Variants in TMEM59 observed in about 807,000 individuals in gnomAD.
TMEM59 encodes the protein dendritic cell factor 1.
Under a neutral mutation model 42.2 loss-of-function variants are expected in TMEM59, and 44 were observed. The ratio of observed to expected loss-of-function variants is 1.04; its 90% confidence interval spans 0.82 to 1.34. The LOEUF (loss-of-function observed/expected upper bound fraction) is 1.34. Among genes scored for constraint, TMEM59 ranks in the 40% most tolerant of loss-of-function variants. The probability of loss-of-function intolerance (pLI) is 0.00; values close to 1 mark genes in which losing one functional copy is unlikely to be tolerated. For synonymous variants in TMEM59, 148 were observed against 145.8 expected, an observed-to-expected ratio of 1.02 and a Z score of -0.11; for missense variants, 359 against 382.8, an observed-to-expected ratio of 0.94 and a Z score of 0.52.
In TMEM59 at chr1:54,030,735, A is replaced by G. The variant is rs1656741360; in HGVS notation, c.*1415T>C. The stretch of plus-strand genomic sequence containing the variant: ...TCATCCAAATCTAGACAAACTAAAA[A>G]TAAAAACCTACACTTTGTGACCAAA... On this transcript the variant is annotated 3_prime_UTR_variant, in exon 8 of 8. Coordinates refer to ENST00000234831, the MANE Select transcript of TMEM59 (RefSeq NM_004872.5). The G allele has an allele frequency of 6.6e-6, 1 of 152,194 alleles. No homozygotes were observed. The highest frequency in any genetic ancestry group is 1.5e-5 in the Non-Finnish European group (1 of 68,032). 9.4% of individuals were successfully genotyped at this position (152,194 alleles called of 1,614,324 possible).
upstream of TMEM59, chr1:54,053,443 A>C (rs1657661631): frequency 2.0e-6 from 1 of 511,130 alleles, no homozygotes; most frequent in African/African-American, 1.9e-5. Flanking sequence ...GGGCCTCCTG[A>C]CTTCTTCCCT....
At chr1:54,052,149 A>C (rs1186315264) in intron 1 of TMEM59, among the ~76,000 whole-genome samples, 2 of 152,144 alleles carry the variant, frequency 1.3e-5, no homozygotes, top group African/African-American at 4.8e-5. Flanking sequence ...CAAATCATAC[A>C]TGGGAAAGGT....
chr1:54,045,304 G>T (rs1386292426), intron 3 of TMEM59, among the ~76,000 whole-genome samples: 2 of 152,150 alleles, frequency 1.3e-5, no homozygotes, highest in Non-Finnish European at 2.9e-5. Context: ...AAAACAGTTT[G>T]GAAGTTAATT....
chr1:54,049,705 A>G (rs1569970102), intron 1 of TMEM59, among the ~76,000 whole-genome samples: 1 of 152,220 alleles, frequency 6.6e-6, no homozygotes, highest in South Asian at 2.1e-4. Context: ...TAGGCCAGGC[A>G]CCGTGGCTCA....
rs1312570941 is a variant in TMEM59 at position 54,027,703 on chromosome 1, G to A, written c.*4447C>T. ...AGAATCGCTTGAACCTGGGAGCTGT[G>A]GAGGTTGCAGTGAGTCAAGATTGTA... On this transcript the variant is annotated 3_prime_UTR_variant, in exon 8 of 8. Transcript: ENST00000234831. The A allele has an allele frequency of 6.6e-6, 1 of 152,028 alleles. No individual in the cohort carries two copies. Among genetic ancestry groups the A allele is most frequent in the Non-Finnish European group, 1.5e-5 (1 of 68,028 alleles). The allele number at this position is 152,028 out of a possible 1,614,324, so 9.4% of individuals were successfully genotyped here. A position where few individuals can be genotyped will look rare whatever the true frequency, so the allele number is the denominator to read the frequency against.
At chr1:54,053,207 A>G (rs898899550), upstream of TMEM59, 6 of 1,612,562 alleles carry the variant, frequency 3.7e-6, no homozygotes, top group Admixed American at 8.4e-5. Flanking sequence ...CCTCTGTCAC[A>G]GCAGCTCAGC....
At chr1:54,041,839 T>C (rs987450752) in intron 4 of TMEM59, 34 bp from the exon 5 acceptor site, 2 of 1,558,904 alleles carry the variant, frequency 1.3e-6, no homozygotes, top group African/African-American at 2.7e-5. Flanking sequence ...AAGTCATTTG[T>C]ACTTCTTTAG....
Position 54,045,368 on chromosome 1 carries a change from A to G in TMEM59, c.390+324T>C, listed in dbSNP as rs146932149. Reference sequence around the variant, plus strand: ...GAGTTAAGGCAATGGCAACTGTCCAATGGGAGTTGGGATGGAGAAAAAGAA... The same window carrying G: ...GAGTTAAGGCAATGGCAACTGTCCAGTGGGAGTTGGGATGGAGAAAAAGAA... On this transcript the variant is annotated intron_variant, in intron 3 of 7. Coordinates refer to ENST00000234831, the MANE Select transcript of TMEM59 (RefSeq NM_004872.5). The G allele has an allele frequency of 2.8e-4, 77 of 270,384 alleles. No individual in the cohort carries two copies. The Middle Eastern group carries it at 3.5e-3, about 12-fold the overall frequency. The allele number at this position is 270,384 out of a possible 1,614,324, so 16.7% of individuals were successfully genotyped here.
At chr1:54,032,457 T>A in intron 7 of TMEM59, 152 bp from the exon 8 acceptor site, 2 of 818,712 alleles carry the variant, frequency 2.4e-6, no homozygotes, top group Non-Finnish European at 3.5e-6. Context: ...CAAAGTGTTG[T>A]AGATATGTGA....
chr1:54,046,061 G>C (rs1657322687), intron 2 of TMEM59, among the ~76,000 whole-genome samples: 1 of 152,134 alleles, frequency 6.6e-6, no homozygotes, highest in Non-Finnish European at 1.5e-5. Flanking sequence ...TCCTTGTGTG[G>C]TGGAAAATGC....
In TMEM59 at chr1:54,053,200, C is replaced by CT. The variant is rs1557683160; in HGVS notation, c.-13dup. The CT allele has an allele frequency of 6.2e-7, 1 of 1,613,378 alleles. No individual in the cohort carries two copies. The highest frequency in any genetic ancestry group is 1.3e-5 in the African/African-American group (1 of 74,950). Reference sequence around the variant, plus strand: ...TTCGGCGCCGCCATCTTGTTCCCCTCTGTCACAGCAGCTCAGCTTGTTGCT... The same window carrying CT: ...TTCGGCGCCGCCATCTTGTTCCCCTCTTGTCACAGCAGCTCAGCTTGTTGCT... On this transcript the variant is annotated 5_prime_UTR_variant, in exon 1 of 8. Transcript: ENST00000234831.
intron 6 of TMEM59, among the ~76,000 whole-genome samples, chr1:54,037,684 G>T (rs527655030): frequency 2.0e-5 from 3 of 152,222 alleles, no homozygotes; most frequent in Non-Finnish European, 4.4e-5. Context: ...ACTTGAACAT[G>T]CAGTAAGCAC....
At chr1:54,038,348 A>ATC (rs1238946228) in intron 6 of TMEM59, among the ~76,000 whole-genome samples, 124 of 152,302 alleles carry the variant, frequency 8.1e-4, no homozygotes, top group African/African-American at 3.0e-3. Context: ...CCTCCCCTTG[A>ATC]AACCTCCAGT....
chr1:54,047,243 GA>G, intron 2 of TMEM59, 23 bp downstream of exon 2: 1 of 1,566,038 alleles, frequency 6.4e-7, no homozygotes, highest in Non-Finnish European at 8.8e-7. Context: ...ACATACAGCT[GA>G]TGTCGTTAGC....
At chr1:54,040,703 C>T (rs532046038) in intron 6 of TMEM59, 53 bp downstream of exon 6, 1 of 1,373,390 alleles carries the variant, frequency 7.3e-7, no homozygotes, top group Non-Finnish European at 1.0e-6. Context: ...ATATATCTCT[C>T]TGATACAAGC....
chr1:54,037,160 G>T (rs1264154643), intron 6 of TMEM59, among the ~76,000 whole-genome samples: 1 of 152,084 alleles, frequency 6.6e-6, no homozygotes. Flanking sequence ...TTTTATAAAA[G>T]AATTCACACC....
chr1:54,045,544 C>G, intron 3 of TMEM59, 148 bp downstream of exon 3: 1 of 667,478 alleles, frequency 1.5e-6, no homozygotes, highest in Admixed American at 2.6e-5. Context: ...ATTCAACTGA[C>G]TTTTCTATTT....
At chr1:54,035,751 C>CATG (rs1277737237) in intron 7 of TMEM59, among the ~76,000 whole-genome samples, 1 of 152,004 alleles carries the variant, frequency 6.6e-6, no homozygotes, top group Non-Finnish European at 1.5e-5. Context: ...TAGCTGGGAT[C>CATG]ACGGGCACGC....
chr1:54,034,364 G>C (rs1197760996), intron 7 of TMEM59: 1 of 152,170 alleles, frequency 6.6e-6, no homozygotes, highest in East Asian at 1.9e-4. Flanking sequence ...TGTCACGATA[G>C]TTGCTTACTC....
Sources: gnomAD v4.1 joint callset for allele counts (sites outside exome capture counted in the v4.1 genomes callset) on GRCh38, gnomAD v4.1.1 for gene constraint, MANE v1.5 for transcripts, NCBI Gene and HGNC (gene_info 2026-07-23, HGNC 2026-07-21) for gene names.